Variants in ZC3H12B observed in about 807,000 individuals in gnomAD.
ZC3H12B encodes zinc finger CCCH-type containing 12B.
Under a neutral mutation model 43.9 loss-of-function variants are expected in ZC3H12B, and 7 were observed. The ratio of observed to expected loss-of-function variants is 0.16; its 90% confidence interval spans 0.09 to 0.30. The LOEUF (loss-of-function observed/expected upper bound fraction) is 0.30. Among genes scored for constraint, ZC3H12B ranks in the 10% least tolerant of loss-of-function variants. The pLI, the probability that ZC3H12B is intolerant of heterozygous loss-of-function variation, is 1.00. For missense variants in ZC3H12B, 475 were observed against 670.2 expected (o/e 0.71, Z 3.22); for synonymous variants, 222 against 241.7 (o/e 0.92, Z 0.76).
At chrX:65,115,054 TTTA>T in the ZC3H12B span, among the ~76,000 whole-genome samples, 10 of 94,561 alleles carry the variant, frequency 1.1e-4, no homozygotes, top group African/African-American at 5.4e-4. Flanking sequence ...TTTATTTTTT[TTTA>T]TTTTTCTGTT....
chrX:65,406,674 C>A (rs769036246), intron 3 of ZC3H12B, among the ~76,000 whole-genome samples: 43 of 108,856 alleles, frequency 4.0e-4, no homozygotes, highest in African/African-American at 1.3e-3. Flanking sequence ...TGTGAAACCG[C>A]GTGTTAGTGT....
the ZC3H12B span, among the ~76,000 whole-genome samples, chrX:65,076,015 TC>T: frequency 8.9e-6 from 1 of 111,818 alleles, no homozygotes; most frequent in African/African-American, 3.3e-5. Context: ...TTGAAGGGAA[TC>T]GATCTGTGTA....
In ZC3H12B at chrX:65,474,347, T is replaced by C. The variant is rs1364760942; in HGVS notation, n.408-14299T>C. Among the ~76,000 whole-genome samples, 4 of 111,225 alleles carry C rather than the reference T, an allele frequency of 3.6e-5. No homozygotes were observed. In the East Asian group the frequency reaches 8.4e-4, roughly 23 times the overall value. ...TTCCACCCCTTCACTTCTCAGCTTA[T>C]GTGTGCCCTTAAATCTAAAGTGACT... On this transcript the variant is annotated intron_variant and non_coding_transcript_variant, in intron 3 of 5. Transcript: ENST00000617377.
chrX:65,242,323 A>T, the ZC3H12B span, among the ~76,000 whole-genome samples: 4 of 111,858 alleles, frequency 3.6e-5, no homozygotes, highest in African/African-American at 1.3e-4. Context: ...TTGTTTCCCC[A>T]AGTCAGTAGC....
At chrX:65,192,588 G>A in the ZC3H12B span, among the ~76,000 whole-genome samples, 1 of 111,233 alleles carries the variant, frequency 9.0e-6, no homozygotes, top group Non-Finnish European at 1.9e-5. Flanking sequence ...TGCTTTATCA[G>A]CATCAGTTGA....
chrX:65,477,983 G>A (rs1012294606), intron 3 of ZC3H12B, among the ~76,000 whole-genome samples: 43 of 109,758 alleles, frequency 3.9e-4, no homozygotes, highest in African/African-American at 1.4e-3. Context: ...TCTTTCTATA[G>A]CCAGCTAAAA....
chrX:65,057,842 A>G, the ZC3H12B span, among the ~76,000 whole-genome samples: 177 of 111,519 alleles, frequency 1.6e-3, 1 homozygote, highest in Non-Finnish European at 2.9e-3. Context: ...TTGATCTTCC[A>G]TCACTGATAC....
At chrX:65,086,175 T>G in the ZC3H12B span, among the ~76,000 whole-genome samples, 1 of 110,761 alleles carries the variant, frequency 9.0e-6, no homozygotes, top group Non-Finnish European at 1.9e-5. Flanking sequence ...CCTTGGCACT[T>G]TTGAAGATTA....
chrX:65,053,307 T>C, the ZC3H12B span, among the ~76,000 whole-genome samples: 147 of 110,790 alleles, frequency 1.3e-3, 1 homozygote, highest in Middle Eastern at 4.7e-3. Context: ...CCTTCCCATG[T>C]CCATGTGTTC....
intron 3 of ZC3H12B, among the ~76,000 whole-genome samples, chrX:65,449,558 G>T (rs1042990324): frequency 1.3e-4 from 14 of 110,565 alleles, no homozygotes; most frequent in African/African-American, 4.6e-4. Context: ...GGTGGAGGTT[G>T]CAGTGAACCA....
the ZC3H12B span, among the ~76,000 whole-genome samples, chrX:65,211,193 A>G: frequency 2.9e-3 from 312 of 107,173 alleles, 2 homozygotes; most frequent in African/African-American, 0.011. Context: ...TTCTTTGTAG[A>G]TTCTGGATAT....
chrX:65,054,336 G>A, the ZC3H12B span, among the ~76,000 whole-genome samples: 1 of 111,551 alleles, frequency 9.0e-6, no homozygotes, highest in African/African-American at 3.3e-5. Flanking sequence ...TGGCTAGCCA[G>A]TTTTCCCAGC....
chrX:65,130,131 T>G, the ZC3H12B span, among the ~76,000 whole-genome samples: 1 of 111,590 alleles, frequency 9.0e-6, no homozygotes, highest in Non-Finnish European at 1.9e-5. Context: ...GACAGAGTCC[T>G]CTTTTTTAAG....
intron 3 of ZC3H12B, among the ~76,000 whole-genome samples, chrX:65,438,975 G>A (rs370975926): frequency 7.1e-5 from 8 of 112,854 alleles, no homozygotes; most frequent in Admixed American, 1.9e-4. Context: ...AGAGATAAAA[G>A]CAAGGGCAGC....
chrX:65,404,525 T>A, intron 3 of ZC3H12B, among the ~76,000 whole-genome samples: 1 of 111,334 alleles, frequency 9.0e-6, no homozygotes, highest in Admixed American at 9.5e-5. Context: ...TCCATGCCAA[T>A]GGAAACAATA....
chrX:65,100,300 G>A, the ZC3H12B span, among the ~76,000 whole-genome samples: 1 of 109,911 alleles, frequency 9.1e-6, no homozygotes, highest in African/African-American at 3.3e-5. Flanking sequence ...GAACCAAGTT[G>A]TTAAATACAC....
the ZC3H12B span, among the ~76,000 whole-genome samples, chrX:65,324,290 A>G: frequency 5.4e-5 from 6 of 111,780 alleles, no homozygotes; most frequent in African/African-American, 1.9e-4. Flanking sequence ...CCTAAATGGT[A>G]CTGCCTAGGT....
chrX:65,193,359 A>G, the ZC3H12B span, among the ~76,000 whole-genome samples: 2 of 111,204 alleles, frequency 1.8e-5, no homozygotes, highest in African/African-American at 6.5e-5. Flanking sequence ...TCATGGTTCA[A>G]TCTTAGTTGG....
the ZC3H12B span, among the ~76,000 whole-genome samples, chrX:65,307,862 C>T: frequency 1.1e-3 from 127 of 111,316 alleles, no homozygotes; most frequent in African/African-American, 4.1e-3. Context: ...CTGTATGGGA[C>T]AAAGATAAAA....
Sources: allele counts gnomAD v4.1 joint callset (sites outside exome capture counted in the v4.1 genomes callset), GRCh38; gene constraint gnomAD v4.1.1; transcripts MANE v1.5; gene names NCBI Gene and HGNC (gene_info 2026-07-23, HGNC 2026-07-21).